The following WNK3 variants were observed in gnomAD, a reference collection of about 807,000 sequenced individuals.
WNK3 encodes WNK lysine deficient protein kinase 3.
A neutral mutation model predicts 116.7 loss-of-function variants in WNK3; 18 were observed. The observed-to-expected ratio is 0.15, with a 90% CI of 0.11 to 0.23. The LOEUF (loss-of-function observed/expected upper bound fraction) is 0.23, where lower values mean the gene tolerates loss of function less well. WNK3 is among the 10% of genes least tolerant of loss of function. WNK3 has a pLI of 1.00. For synonymous variants in WNK3, 404 were observed against 469.4 expected, an observed-to-expected ratio of 0.86 and a Z score of 1.80; for missense variants, 993 against 1,323.8, an observed-to-expected ratio of 0.75 and a Z score of 3.88.
At chrX:54,224,714 C>T (rs782107413) in intron 22 of WNK3, among the ~76,000 whole-genome samples, 16 of 109,386 alleles carry the variant, frequency 1.5e-4, no homozygotes, top group African/African-American at 2.7e-4. Flanking sequence ...GGACTACAGG[C>T]GCCCGCCACC....
At chrX:54,275,413 A>ATGTGTGTGTGTGTGTGTG (rs782746924) in intron 10 of WNK3, among the ~76,000 whole-genome samples, 21 of 58,360 alleles carry the variant, frequency 3.6e-4, no homozygotes, top group African/African-American at 1.0e-3. Context: ...GTATAAGTTC[A>ATGTGTGTGTGTGTGTGTG]TATGTGTGTG....
exon 24 of WNK3, chrX:54,198,645 C>T (rs55830417): frequency 1.6e-3 from 1,918 of 1,170,749 alleles, no homozygotes; most frequent in Non-Finnish European, 2.0e-3. Context: ...CCATAGTAGA[C>T]GGAGTATTCT....
chrX:54,281,033 T>C (rs2068510245), intron 10 of WNK3, among the ~76,000 whole-genome samples: 1 of 112,044 alleles, frequency 8.9e-6, no homozygotes, highest in African/African-American at 3.2e-5. Flanking sequence ...TGAGGTATAA[T>C]TGACAAATAA....
chrX:54,315,191 T>C (rs2068938311), intron 2 of WNK3, among the ~76,000 whole-genome samples: 1 of 107,808 alleles, frequency 9.3e-6, no homozygotes, highest in Non-Finnish European at 1.9e-5. Flanking sequence ...TAGTCCTAGC[T>C]ACTTGGGAGG....
intron 1 of WNK3, among the ~76,000 whole-genome samples, chrX:54,345,205 G>C (rs1324088344): frequency 9.4e-6 from 1 of 106,347 alleles, no homozygotes; most frequent in Non-Finnish European, 1.9e-5. Flanking sequence ...TTGTGCCACT[G>C]CACTCCAGCC....
At chrX:54,239,155 C>T (rs1270312224) in intron 17 of WNK3, 56 bp from the exon 18 acceptor site, 1 of 800,260 alleles carries the variant, frequency 1.2e-6, no homozygotes, top group Non-Finnish European at 1.6e-6. Context: ...CAAAACAAAA[C>T]AACCGAGAAA....
chrX:54,229,558 GT>G (rs782571971), intron 21 of WNK3, among the ~76,000 whole-genome samples: 3 of 109,244 alleles, frequency 2.7e-5, no homozygotes, highest in Non-Finnish European at 5.7e-5. Flanking sequence ...AGCTAAAACA[GT>G]TTTGAAAAAA....
intron 10 of WNK3, among the ~76,000 whole-genome samples, chrX:54,269,696 G>T (rs782640874): frequency 1.3e-4 from 14 of 110,573 alleles, no homozygotes; most frequent in Non-Finnish European, 2.5e-4. Flanking sequence ...ATGGATAACT[G>T]AATCATGATA....
At chrX:54,227,492 G>A (rs2067856091) in intron 22 of WNK3, among the ~76,000 whole-genome samples, 1 of 111,938 alleles carries the variant, frequency 8.9e-6, no homozygotes, top group African/African-American at 3.2e-5. Flanking sequence ...GTAAAATGGT[G>A]CAGCTATTTT....
At chrX:54,279,711 T>C (rs1274639591) in intron 10 of WNK3, among the ~76,000 whole-genome samples, 3 of 112,102 alleles carry the variant, frequency 2.7e-5, no homozygotes, top group Non-Finnish European at 5.6e-5. Context: ...AACACACACA[T>C]ACAAATACTG....
chrX:54,266,902 C>A (rs2068317965), intron 10 of WNK3, among the ~76,000 whole-genome samples: 1 of 109,738 alleles, frequency 9.1e-6, no homozygotes, highest in South Asian at 4.0e-4. Context: ...TTCCCCACAT[C>A]CCCCGACAGG....
At chrX:54,273,889 A>G (rs2068411596) in intron 10 of WNK3, among the ~76,000 whole-genome samples, 1 of 111,365 alleles carries the variant, frequency 9.0e-6, no homozygotes, top group African/African-American at 3.3e-5. Context: ...CTAAATAGTG[A>G]GCAGCAAGGA....
At chrX:54,291,724 G>A (rs1302296447) in intron 10 of WNK3, among the ~76,000 whole-genome samples, 1 of 111,935 alleles carries the variant, frequency 8.9e-6, no homozygotes, top group African/African-American at 3.2e-5. Flanking sequence ...GTACATACAT[G>A]CTTTCCCCTA....
intron 22 of WNK3, among the ~76,000 whole-genome samples, chrX:54,203,356 TAC>T (rs1176513467): frequency 8.9e-6 from 1 of 111,968 alleles, no homozygotes. Context: ...GCCAAAAACT[TAC>T]AGAGTGGTTC....
At chrX:54,196,597 A>G (rs1456116270) in exon 24 of WNK3, 14 of 111,656 alleles carry the variant, frequency 1.3e-4, no homozygotes, top group Non-Finnish European at 1.1e-4. Flanking sequence ...TAGTAGACAG[A>G]ACTCCTAATT....
chrX:54,238,692 C>T (rs782123816), intron 18 of WNK3, among the ~76,000 whole-genome samples, 176 bp downstream of exon 18: 39 of 111,080 alleles, frequency 3.5e-4, no homozygotes, highest in African/African-American at 1.1e-3. Flanking sequence ...AATGAATAAC[C>T]GGAAAACCAA....
At chrX:54,275,415 A>ATGTGTGTGTG (rs782672834) in intron 10 of WNK3, among the ~76,000 whole-genome samples, 1,406 of 64,372 alleles carry the variant, frequency 0.022, 48 homozygotes, top group East Asian at 0.031. Context: ...ATAAGTTCAT[A>ATGTGTGTGTG]TGTGTGTGTG....
rs1359439347 is a variant in WNK3, at chrX:54,297,492, G to A, written c.1398+683C>T. ...CTCGGGAGGCTGAGACAGGAGAGTCGCTTGAACTCGGGAGGCAGAGGTCGT... is the reference window on the plus strand; with the variant it reads ...CTCGGGAGGCTGAGACAGGAGAGTCACTTGAACTCGGGAGGCAGAGGTCGT... On this transcript the variant is annotated intron_variant, in intron 7 of 23. Transcript: ENST00000354646. 4.6e-5 allele frequency among the ~76,000 whole-genome samples: 5 copies of A among 107,981 alleles called. No individual in the cohort carries two copies. The East Asian group carries it at 1.2e-3, about 25-fold the overall frequency. 93.8% of individuals were successfully genotyped at this position (107,981 alleles called of 115,157 possible).
chrX:54,241,680 G>A (rs1471121042), intron 17 of WNK3, among the ~76,000 whole-genome samples: 6 of 111,719 alleles, frequency 5.4e-5, no homozygotes, highest in Admixed American at 9.6e-5. Context: ...AGAGCTGCGC[G>A]CAGTGGCTCA....
Sources: gnomAD v4.1 joint callset for allele counts (sites outside exome capture counted in the v4.1 genomes callset) on GRCh38, gnomAD v4.1.1 for gene constraint, MANE v1.5 for transcripts, NCBI Gene and HGNC (gene_info 2026-07-23, HGNC 2026-07-21) for gene names.